The following DTWD2 variants were observed in gnomAD, a reference collection of about 807,000 sequenced individuals.
DTWD2 encodes DTW motif tRNA-uridine aminocarboxypropyltransferase 2.
DTWD2 carries 39 observed loss-of-function variants against 31.8 expected under a neutral mutation model. That is an observed-to-expected ratio of 1.22 (90% CI 0.95 to 1.60). DTWD2 has a LOEUF of 1.60. DTWD2 is among the 40% of genes most tolerant of loss of function. The pLI is 0.00. For missense variants in DTWD2, 515 were observed against 381.5 expected (o/e 1.35, Z -2.92); for synonymous variants, 180 against 142.8 (o/e 1.26, Z -1.86).
At chr5:118,888,241 C>T (rs764666609) in intron 4 of DTWD2, among the ~76,000 whole-genome samples, 7 of 152,090 alleles carry the variant, frequency 4.6e-5, no homozygotes, top group Non-Finnish European at 8.8e-5. Flanking sequence ...CTACTTCTTG[C>T]GTCTCTCCTT....
chr5:118,904,755 G>A (rs79279783), intron 4 of DTWD2, among the ~76,000 whole-genome samples: 3,505 of 152,182 alleles, frequency 0.023, 57 homozygotes, highest in Non-Finnish European at 0.026. Context: ...AAAGAACAGG[G>A]TTATTAAACG....
intron 5 of DTWD2, among the ~76,000 whole-genome samples, chr5:118,841,776 A>G (rs1285392747): frequency 6.6e-6 from 1 of 152,164 alleles, no homozygotes; most frequent in Non-Finnish European, 1.5e-5. Context: ...AAATTCAAAA[A>G]TTAAAAAAAA....
chr5:118,916,741 C>A (rs1753587312), intron 4 of DTWD2, among the ~76,000 whole-genome samples: 1 of 151,396 alleles, frequency 6.6e-6, no homozygotes, highest in South Asian at 2.1e-4. Context: ...TTTTGCCTTT[C>A]AATTTAATGT....
At chr5:118,931,503 C>T (rs1447292331) in intron 3 of DTWD2, among the ~76,000 whole-genome samples, 1 of 151,128 alleles carries the variant, frequency 6.6e-6, no homozygotes, top group Non-Finnish European at 1.5e-5. Context: ...AAAGGCATTA[C>T]ATAATAACAA....
intron 1 of DTWD2, among the ~76,000 whole-genome samples, chr5:118,963,857 T>C (rs942904008): frequency 9.9e-5 from 15 of 152,178 alleles, no homozygotes; most frequent in Non-Finnish European, 1.8e-4. Context: ...ATCCTTATGG[T>C]AACAACCAAC....
At chr5:118,854,715 GTCAAC>G (rs894727170) in intron 4 of DTWD2, among the ~76,000 whole-genome samples, 2 of 151,916 alleles carry the variant, frequency 1.3e-5, no homozygotes, top group Admixed American at 1.3e-4. Context: ...CTTCAAGGTA[GTCAAC>G]TCAAGAAATA....
chr5:118,894,250 G>A (rs1050713692), intron 4 of DTWD2, among the ~76,000 whole-genome samples: 1 of 152,006 alleles, frequency 6.6e-6, no homozygotes, highest in Non-Finnish European at 1.5e-5. Flanking sequence ...ATTAGAAAAG[G>A]CCACTTCACT....
chr5:118,903,049 G>T (rs1398840719), intron 4 of DTWD2, among the ~76,000 whole-genome samples: 3 of 151,314 alleles, frequency 2.0e-5, no homozygotes, highest in Non-Finnish European at 4.4e-5. Flanking sequence ...TCATTAAAAT[G>T]ATATTTAAAA....
chr5:118,955,036 G>A (rs1712966864), intron 1 of DTWD2, among the ~76,000 whole-genome samples: 5 of 151,930 alleles, frequency 3.3e-5, no homozygotes, highest in Admixed American at 3.3e-4. Flanking sequence ...TTTGATAAGT[G>A]ATCGCACATA....
At chr5:118,852,514 A>C (rs1387302824) in intron 4 of DTWD2, among the ~76,000 whole-genome samples, 1 of 152,182 alleles carries the variant, frequency 6.6e-6, no homozygotes, top group Non-Finnish European at 1.5e-5. Flanking sequence ...AATCACAATG[A>C]GATACCACCT....
intron 4 of DTWD2, among the ~76,000 whole-genome samples, chr5:118,909,049 C>T (rs1346323926): frequency 3.9e-5 from 6 of 152,166 alleles, no homozygotes; most frequent in East Asian, 3.8e-4. Context: ...CTCCCTGACC[C>T]GAGTTCCCTT....
intron 1 of DTWD2, among the ~76,000 whole-genome samples, chr5:118,966,181 A>C (rs76003959): frequency 6.6e-6 from 1 of 152,172 alleles, no homozygotes; most frequent in Non-Finnish European, 1.5e-5. Flanking sequence ...TTCTCCTAAC[A>C]TCTGTATTAG....
At chr5:118,884,833 G>A (rs1028143683) in intron 4 of DTWD2, among the ~76,000 whole-genome samples, 11 of 149,872 alleles carry the variant, frequency 7.3e-5, no homozygotes, top group East Asian at 2.0e-4. Context: ...GGTGAAACCC[G>A]GCCTCTACTT....
At chr5:118,953,577 A>G (rs1370679091) in intron 1 of DTWD2, among the ~76,000 whole-genome samples, 1 of 152,214 alleles carries the variant, frequency 6.6e-6, no homozygotes, top group African/African-American at 2.4e-5. Context: ...AGAGACCTAT[A>G]AAGACCCTAT....
chr5:118,925,080 G>A (rs1753780810), intron 4 of DTWD2, among the ~76,000 whole-genome samples: 1 of 152,068 alleles, frequency 6.6e-6, no homozygotes, highest in African/African-American at 2.4e-5. Context: ...AAACTATAAA[G>A]AATTTAAGTT....
intron 1 of DTWD2, among the ~76,000 whole-genome samples, chr5:118,985,802 C>G (rs1009526576): frequency 2.6e-5 from 4 of 152,028 alleles, no homozygotes; most frequent in African/African-American, 9.7e-5. Context: ...AATACTTTTA[C>G]TTTGAAAAGT....
intron 3 of DTWD2, among the ~76,000 whole-genome samples, chr5:118,937,001 T>A (rs1561462449): frequency 1.3e-5 from 2 of 152,126 alleles, no homozygotes; most frequent in South Asian, 4.1e-4. Context: ...TACCATTTCT[T>A]TGAAAGGTAC....
At chr5:118,881,838 C>T (rs1274230621) in intron 4 of DTWD2, among the ~76,000 whole-genome samples, 1 of 152,234 alleles carries the variant, frequency 6.6e-6, no homozygotes, top group South Asian at 2.1e-4. Flanking sequence ...CCAACAGGTC[C>T]GTCCTCCAAC....
chr5:118,945,689 C>T (rs1219871422), intron 1 of DTWD2, among the ~76,000 whole-genome samples: 2 of 150,758 alleles, frequency 1.3e-5, no homozygotes, highest in Admixed American at 1.3e-4. Context: ...TGCTTGAACC[C>T]AGGAGATGGA....
Sources: gnomAD v4.1 joint callset for allele counts (sites outside exome capture counted in the v4.1 genomes callset) on GRCh38, gnomAD v4.1.1 for gene constraint, MANE v1.5 for transcripts, NCBI Gene and HGNC (gene_info 2026-07-23, HGNC 2026-07-21) for gene names.